The following HIVEP1 variants were observed in gnomAD, a reference collection of about 807,000 sequenced individuals.
HIVEP1 encodes the protein zinc finger protein 40.
HIVEP1 carries 36 observed loss-of-function variants against 180.0 expected under a neutral mutation model. The ratio of observed to expected loss-of-function variants is 0.20; its 90% CI spans 0.15 to 0.26. The LOEUF is 0.26. Ranked by LOEUF, HIVEP1 falls within the 10% of genes least tolerant of loss-of-function variation. HIVEP1 has a pLI of 1.00. For missense variants in HIVEP1, 3,143 were observed against 3,268.7 expected (o/e 0.96, Z 0.94); for synonymous variants, 1,239 against 1,239.0 (o/e 1.00, Z 0.00).
In HIVEP1 at chr6:12,122,480, A is replaced by T. The variant is rs1757739199; in HGVS notation, c.2685A>T (p.Thr895=). 1.2e-6 allele frequency: 2 copies of T among 1,614,220 alleles called. No homozygotes were observed. The highest frequency in any genetic ancestry group is 1.3e-5 in the African/African-American group (1 of 75,058). The change falls in exon 4 of 9, where the codon ACA becomes ACT. Residue 895 remains threonine (T), a synonymous_variant. Coordinates refer to ENST00000379388, the MANE Select transcript of HIVEP1 (RefSeq NM_002114.4). The part of the protein sequence containing the change: ...APVPQSGHPR[T]LVRQAAIEDS... ...TGCCCCAGAGTGGGCATCCCCGTAC[A>T]CTTGTGAGACAAGCAGCCATAGAAG...
chr6:12,182,728 G>T, the HIVEP1 span, among the ~76,000 whole-genome samples: 1 of 152,160 alleles, frequency 6.6e-6, no homozygotes, highest in Non-Finnish European at 1.5e-5. Context: ...AATAGTGCGT[G>T]CCATGCCTGC....
chr6:12,011,838 C>T (rs1281605034), upstream of HIVEP1, among the ~76,000 whole-genome samples: 1 of 147,280 alleles, frequency 6.8e-6, no homozygotes, highest in Admixed American at 6.7e-5. Flanking sequence ...CCCCTCGCCC[C>T]GGCCTCAACC....
At chr6:12,046,899 A>T (rs1282233117) in intron 2 of HIVEP1, among the ~76,000 whole-genome samples, 2 of 111,064 alleles carry the variant, frequency 1.8e-5, no homozygotes, top group African/African-American at 6.6e-5. Context: ...CTCGCTCTGT[A>T]GCACAGGCTG....
rs1306822453 is a variant in HIVEP1 at position 12,122,796 on chromosome 6, C to T, written c.3001C>T (p.Pro1001Ser). 1.2e-6 allele frequency: 2 copies of T among 1,613,634 alleles called. No homozygotes were observed. The highest frequency in any genetic ancestry group is 1.7e-4 in the Middle Eastern group (1 of 6,052). ...KVAMREPEHS[P>S]VPGGLQPQIL... ...AGCCATGAGAGAACCTGAGCACAGCCCTGTGCCCGGCGGTCTGCAGCCTCA... is the reference window on the plus strand; with the variant it reads ...AGCCATGAGAGAACCTGAGCACAGCTCTGTGCCCGGCGGTCTGCAGCCTCA... The change falls in exon 4 of 9, where the codon CCT (proline) becomes TCT (serine). Residue 1001 changes from proline (P) to serine (S), a missense_variant. Pro to Ser is a moderately conservative substitution (Grantham distance 74). Around this residue, in one of 12 missense-constraint regions of HIVEP1, gnomAD observed 1,357 missense variants for 1,260.5 expected, o/e 1.08. Transcript: ENST00000379388.
chr6:12,033,063 C>G (rs9394473), intron 2 of HIVEP1, among the ~76,000 whole-genome samples: 6,420 of 152,144 alleles, frequency 0.042, 182 homozygotes, highest in Middle Eastern at 0.16. Flanking sequence ...TATGATTTTT[C>G]GACCCATACA....
At chr6:12,060,893 C>G (rs1771184741) in intron 2 of HIVEP1, among the ~76,000 whole-genome samples, 1 of 152,108 alleles carries the variant, frequency 6.6e-6, no homozygotes, top group Non-Finnish European at 1.5e-5. Flanking sequence ...GATGTTGTGA[C>G]TGCTGACATT....
At chr6:12,052,914 A>G (rs548199264) in intron 2 of HIVEP1, among the ~76,000 whole-genome samples, 15 of 152,298 alleles carry the variant, frequency 9.8e-5, no homozygotes, top group African/African-American at 2.2e-4. Context: ...AGGAAATGCT[A>G]TCTTTTGGAG....
At chr6:12,182,668 G>A in the HIVEP1 span, among the ~76,000 whole-genome samples, 1 of 152,090 alleles carries the variant, frequency 6.6e-6, no homozygotes, top group South Asian at 2.1e-4. Flanking sequence ...TCACCTCTTG[G>A]GTTCTTTGTG....
intron 2 of HIVEP1, among the ~76,000 whole-genome samples, chr6:12,041,187 T>C (rs1162848203): frequency 9.2e-5 from 14 of 152,072 alleles, no homozygotes; most frequent in Non-Finnish European, 1.5e-5. Context: ...TTTGGGAGGC[T>C]GAGGCAGGCG....
rs1365201569 is a variant in HIVEP1 at position 12,063,952 on chromosome 6, G to A, written c.41-25232G>A. On this transcript the variant is annotated intron_variant, in intron 2 of 8. Coordinates refer to ENST00000379388, the MANE Select transcript of HIVEP1 (RefSeq NM_002114.4). This position sits in a 1 kb window ranked among gnomAD's most constrained non-coding sequence, Gnocchi z 4.2. Reference sequence around the variant, plus strand: ...AAACTTCCATGATTTGCCTTGGTTTGAAGATTAGGTGTGATCTTGGAAAAT... The same window carrying A: ...AAACTTCCATGATTTGCCTTGGTTTAAAGATTAGGTGTGATCTTGGAAAAT... Among the ~76,000 whole-genome samples, 1 of 152,166 alleles carries A rather than the reference G, an allele frequency of 6.6e-6. No individual in the cohort carries two copies. Among genetic ancestry groups the A allele is most frequent in the Non-Finnish European group, 1.5e-5 (1 of 68,036 alleles).
chr6:12,046,985 C>T (rs529486453), intron 2 of HIVEP1, among the ~76,000 whole-genome samples: 204 of 151,278 alleles, frequency 1.3e-3, no homozygotes, highest in African/African-American at 4.8e-3. Flanking sequence ...CTCAGCCTCC[C>T]GAGTAACTGG....
At chr6:12,171,675 G>A in the HIVEP1 span, among the ~76,000 whole-genome samples, 1 of 152,260 alleles carries the variant, frequency 6.6e-6, no homozygotes, top group South Asian at 2.1e-4. Context: ...AGAGAAAGTG[G>A]GCTATTGTGA....
At position 12,125,422 on chromosome 6, in the gene HIVEP1, C is replaced by T. The variant is rs1373972648; in HGVS notation, c.5627C>T (p.Ala1876Val). The change falls in exon 4 of 9, where the codon GCT becomes GTT. Residue 1876 changes from alanine to valine, a missense_variant. Coordinates refer to ENST00000379388, the MANE Select transcript of HIVEP1 (RefSeq NM_002114.4). ...ACTCTTACAGTTCGAAGTTCACCTG[C>T]TCCTTCAGAAAATACTCATATTTCT... ...SLTLTVRSSP[A>V]PSENTHISPL... 1.2e-6 allele frequency: 2 copies of T among 1,613,988 alleles called. No individual in the cohort carries two copies. The highest frequency in any genetic ancestry group is 1.1e-5 in the South Asian group (1 of 91,078).
At chr6:12,169,707 A>G (rs1760847121), downstream of HIVEP1, among the ~76,000 whole-genome samples, 1 of 152,224 alleles carries the variant, frequency 6.6e-6, no homozygotes, top group South Asian at 2.1e-4. Flanking sequence ...TTGGGACTTT[A>G]GAATATACAT....
the HIVEP1 span, among the ~76,000 whole-genome samples, chr6:12,186,840 A>C: frequency 1.3e-5 from 2 of 152,198 alleles, no homozygotes; most frequent in Admixed American, 6.6e-5. Flanking sequence ...GAAATTTTCC[A>C]AGAGTATTAT....
intron 2 of HIVEP1, among the ~76,000 whole-genome samples, chr6:12,065,850 A>G (rs773467568): frequency 3.9e-5 from 6 of 152,170 alleles, no homozygotes; most frequent in Non-Finnish European, 8.8e-5. Context: ...CTGATAAACG[A>G]TTAGAAAGCT....
At chr6:12,012,625 G>A (rs527793537) in intron 1 of HIVEP1, 59 bp downstream of exon 1, 1 of 119,820 alleles carries the variant, frequency 8.3e-6, no homozygotes, top group East Asian at 3.1e-4. Context: ...GGGGCGGAGG[G>A]GGGGGGGGGC....
intron 7 of HIVEP1, among the ~76,000 whole-genome samples, chr6:12,147,872 T>G (rs1759468185): frequency 6.6e-6 from 1 of 152,198 alleles, no homozygotes; most frequent in Non-Finnish European, 1.5e-5. Context: ...AAGCATTATT[T>G]CCCCTGGAAT....
intron 2 of HIVEP1, among the ~76,000 whole-genome samples, chr6:12,023,014 AT>A (rs1423191935): frequency 3.3e-5 from 5 of 152,118 alleles, no homozygotes; most frequent in Admixed American, 6.5e-5. Flanking sequence ...CAAGAAACAG[AT>A]TCTGAGGGCT....
Sources: gnomAD v4.1 joint callset for allele counts (sites outside exome capture counted in the v4.1 genomes callset) on GRCh38, gnomAD v4.1.1 for gene constraint, gnomAD v4.1.1 regional missense constraint, Gnocchi (gnomAD v3.1) non-coding constraint, MANE v1.5 for transcripts, NCBI Gene and HGNC (gene_info 2026-07-23, HGNC 2026-07-21) for gene names.